The following SLC35F1 variants were observed in gnomAD, a reference collection of about 807,000 sequenced individuals.
SLC35F1 encodes the protein chromosome 6 open reading frame 169.
SLC35F1 carries 14 observed loss-of-function variants against 48.7 expected under a neutral mutation model. The observed-to-expected ratio is 0.29, with a 90% CI of 0.19 to 0.45. The LOEUF is 0.45. SLC35F1 is among the 20% of genes least tolerant of loss of function. The pLI, the probability that SLC35F1 is intolerant of heterozygous loss-of-function variation, is 1.00. For missense variants in SLC35F1, 404 were observed against 500.0 expected (o/e 0.81, Z 1.83); for synonymous variants, 190 against 202.2 (o/e 0.94, Z 0.51).
intron 1 of SLC35F1, among the ~76,000 whole-genome samples, chr6:117,940,317 T>G (rs2789010): frequency 0.76 from 115,856 of 152,076 alleles, 44,365 homozygotes; most frequent in South Asian, 0.89. Flanking sequence ...AGGATGGAGT[T>G]TTCTTTCATT....
chr6:118,185,958 T>C (rs760770110), intron 2 of SLC35F1, among the ~76,000 whole-genome samples: 4 of 152,212 alleles, frequency 2.6e-5, no homozygotes, highest in Non-Finnish European at 4.4e-5. Flanking sequence ...TTTATTCAAC[T>C]CTGCCTTATT....
chr6:118,246,019 C>G (rs1460833518), intron 3 of SLC35F1, among the ~76,000 whole-genome samples: 1 of 152,162 alleles, frequency 6.6e-6, no homozygotes, highest in Non-Finnish European at 1.5e-5. Context: ...CTCTTTCTCT[C>G]TAGTATGGAC....
intron 2 of SLC35F1, among the ~76,000 whole-genome samples, chr6:118,205,647 C>T (rs558683241): frequency 6.6e-6 from 1 of 152,322 alleles, no homozygotes; most frequent in South Asian, 2.1e-4. Context: ...CTTCTAGATA[C>T]ATCCAAGAGA....
chr6:118,313,838 A>C (rs1776398772), intron 7 of SLC35F1, among the ~76,000 whole-genome samples, 190 bp from the exon 8 acceptor site: 1 of 152,214 alleles, frequency 6.6e-6, no homozygotes, highest in African/African-American at 2.4e-5. Context: ...GGTCTAGGAA[A>C]GATAAGGAGA....
At chr6:118,020,149 G>T (rs1777375071) in intron 1 of SLC35F1, among the ~76,000 whole-genome samples, 1 of 152,122 alleles carries the variant, frequency 6.6e-6, no homozygotes, top group Admixed American at 6.5e-5. Flanking sequence ...GTTTTTAAAA[G>T]TGTTACACAA....
intron 3 of SLC35F1, among the ~76,000 whole-genome samples, chr6:118,262,236 G>A (rs892201794): frequency 3.3e-5 from 5 of 152,092 alleles, no homozygotes; most frequent in East Asian, 3.9e-4. Flanking sequence ...TGCTGGCAAA[G>A]GAAGGGAGCA....
At chr6:117,914,740 G>T (rs1053839322) in intron 1 of SLC35F1, among the ~76,000 whole-genome samples, 1 of 152,082 alleles carries the variant, frequency 6.6e-6, no homozygotes, top group Non-Finnish European at 1.5e-5. Flanking sequence ...ATGTTTTCAA[G>T]CTGATCTGAC....
chr6:118,253,710 A>T (rs763575595), intron 3 of SLC35F1, among the ~76,000 whole-genome samples: 35 of 152,064 alleles, frequency 2.3e-4, no homozygotes, highest in Non-Finnish European at 4.6e-4. Context: ...TCAAGGAGAG[A>T]GTGGTTAGCA....
chr6:118,139,267 CATGCCCGGCTA>C (rs1030697883), intron 1 of SLC35F1, among the ~76,000 whole-genome samples: 3 of 152,114 alleles, frequency 2.0e-5, no homozygotes, highest in African/African-American at 7.2e-5. Flanking sequence ...CGCCTGCCAC[CATGCCCGGCTA>C]ATTTTTTGTA....
At chr6:118,138,965 A>G (rs1773840445) in intron 1 of SLC35F1, among the ~76,000 whole-genome samples, 1 of 117,128 alleles carries the variant, frequency 8.5e-6, no homozygotes, top group South Asian at 3.2e-4. Flanking sequence ...CTTGTTTTTC[A>G]GCAGAAACAC....
At chr6:118,303,132 A>C (rs960865429) in intron 7 of SLC35F1, among the ~76,000 whole-genome samples, 3 of 152,216 alleles carry the variant, frequency 2.0e-5, no homozygotes, top group Non-Finnish European at 4.4e-5. Flanking sequence ...GAAATATAGA[A>C]TTCCAATACT....
intron 2 of SLC35F1, among the ~76,000 whole-genome samples, chr6:118,156,153 C>T (rs1016429978): frequency 6.6e-6 from 1 of 151,734 alleles, no homozygotes; most frequent in Non-Finnish European, 1.5e-5. Context: ...AAGTTATTGA[C>T]GTTGAATCTC....
chr6:118,188,896 C>T (rs1189209210), intron 2 of SLC35F1, among the ~76,000 whole-genome samples: 1 of 151,956 alleles, frequency 6.6e-6, no homozygotes, highest in Non-Finnish European at 1.5e-5. Context: ...AGTTTCATAA[C>T]CTGCACTGAT....
At chr6:118,232,193 TC>T (rs1775300163) in intron 2 of SLC35F1, among the ~76,000 whole-genome samples, 1 of 152,136 alleles carries the variant, frequency 6.6e-6, no homozygotes. Context: ...TTATTAATAA[TC>T]TAATGTGTAA....
At chr6:118,099,962 G>A (rs1277132591) in intron 1 of SLC35F1, among the ~76,000 whole-genome samples, 1 of 150,790 alleles carries the variant, frequency 6.6e-6, no homozygotes, top group Non-Finnish European at 1.5e-5. Context: ...TAATAAAAAA[G>A]CAACGCATTA....
chr6:118,084,797 T>A (rs1582657225), intron 1 of SLC35F1, among the ~76,000 whole-genome samples: 1 of 151,938 alleles, frequency 6.6e-6, no homozygotes, highest in East Asian at 2.0e-4. Flanking sequence ...CCTTGCTCCT[T>A]TCCCCAGCTG....
chr6:118,098,238 T>C (rs1168650480), intron 1 of SLC35F1, among the ~76,000 whole-genome samples: 1 of 152,182 alleles, frequency 6.6e-6, no homozygotes, highest in Admixed American at 6.5e-5. Flanking sequence ...TGGGCAAGAA[T>C]TATTACCATC....
At chr6:117,996,616 C>T (rs910442972) in intron 1 of SLC35F1, among the ~76,000 whole-genome samples, 11 of 152,172 alleles carry the variant, frequency 7.2e-5, no homozygotes, top group African/African-American at 9.7e-5. Flanking sequence ...GCAGCATTCG[C>T]GGTTCATGAA....
At chr6:118,026,696 T>C (rs949246521) in intron 1 of SLC35F1, among the ~76,000 whole-genome samples, 4 of 152,228 alleles carry the variant, frequency 2.6e-5, no homozygotes, top group Non-Finnish European at 5.9e-5. Context: ...TGAGAAGTTA[T>C]TTTCAGCATG....
Sources: gnomAD v4.1 joint callset for allele counts (sites outside exome capture counted in the v4.1 genomes callset) on GRCh38, gnomAD v4.1.1 for gene constraint, MANE v1.5 for transcripts, NCBI Gene and HGNC (gene_info 2026-07-23, HGNC 2026-07-21) for gene names.